Variants in EPB41L5 observed in about 807,000 individuals in gnomAD.
EPB41L5 encodes the protein band 4.1-like protein 5.
Under a neutral mutation model 106.6 loss-of-function variants are expected in EPB41L5, and 55 were observed. That is an observed-to-expected ratio of 0.52 (90% confidence interval 0.42 to 0.65). The LOEUF (loss-of-function observed/expected upper bound fraction) is 0.65, where lower values mean the gene tolerates loss of function less well. Ranked by LOEUF, EPB41L5 falls within the 30% of genes least tolerant of loss-of-function variation. The pLI, the probability that EPB41L5 is intolerant of heterozygous loss-of-function variation, is 0.00. For missense variants in EPB41L5, 871 were observed against 882.1 expected (o/e 0.99, Z 0.16); for synonymous variants, 297 against 306.7 (o/e 0.97, Z 0.33).
At chr2:120,159,542 A>G (rs1451036502) in intron 20 of EPB41L5, among the ~76,000 whole-genome samples, 1 of 152,168 alleles carries the variant, frequency 6.6e-6, no homozygotes, top group African/African-American at 2.4e-5. Context: ...TCACCGAACT[A>G]GAAGAAACTA....
chr2:120,095,020 G>A (rs1298474512), intron 14 of EPB41L5, among the ~76,000 whole-genome samples: 1 of 152,124 alleles, frequency 6.6e-6, no homozygotes, highest in African/African-American at 2.4e-5. Flanking sequence ...ATATTTTGCT[G>A]TTTCTGAGTG....
At chr2:120,106,646 CTT>C (rs1411199484) in intron 16 of EPB41L5, 1 of 984,254 alleles carries the variant, frequency 1.0e-6, no homozygotes, top group African/African-American at 1.7e-5. Flanking sequence ...TTTTATTTAA[CTT>C]AATTAATTTA....
chr2:120,108,314 C>T lies in EPB41L5; in HGVS notation c.1337+7500C>T, dbSNP rs548609160. 6 of 152,094 alleles carry T rather than the reference C, an allele frequency of 3.9e-5. No individual in the cohort carries two copies. The South Asian group carries it at 8.3e-4, about 21-fold the overall frequency. 9.4% of individuals were successfully genotyped at this position (152,094 alleles called of 1,614,324 possible). On this transcript the variant is annotated intron_variant, in intron 16 of 24. Transcript: ENST00000263713. ...ACTTCCTTAATGGTGTAATAATGTACCTCCTCATAAAAACAGGTTTGACAG... is the reference window on the plus strand; with the variant it reads ...ACTTCCTTAATGGTGTAATAATGTATCTCCTCATAAAAACAGGTTTGACAG...
At chr2:120,169,589 CTTCT>C (rs1421279722) in intron 24 of EPB41L5, among the ~76,000 whole-genome samples, 1 of 152,154 alleles carries the variant, frequency 6.6e-6, no homozygotes, top group Non-Finnish European at 1.5e-5. Context: ...TCCATCCCTC[CTTCT>C]GTCTCTCTCT....
chr2:120,048,690 C>T (rs1288030946), intron 3 of EPB41L5, among the ~76,000 whole-genome samples: 1 of 152,018 alleles, frequency 6.6e-6, no homozygotes, highest in African/African-American at 2.4e-5. Flanking sequence ...TTGCCTTCTG[C>T]TAGCTTTTTA....
chr2:120,022,599 T>G (rs935691043), intron 2 of EPB41L5, among the ~76,000 whole-genome samples: 2 of 152,222 alleles, frequency 1.3e-5, no homozygotes, highest in African/African-American at 4.8e-5. Flanking sequence ...GCATTTGGGT[T>G]GGTTCCAAGT....
chr2:120,025,075 G>A (rs1272630510), intron 2 of EPB41L5, among the ~76,000 whole-genome samples: 6 of 152,130 alleles, frequency 3.9e-5, no homozygotes, highest in South Asian at 2.1e-4. Context: ...GAATGGTACC[G>A]CTCCTCTTTG....
chr2:120,016,948 A>G (rs1040094037), intron 1 of EPB41L5, among the ~76,000 whole-genome samples: 5 of 152,210 alleles, frequency 3.3e-5, no homozygotes, highest in African/African-American at 1.2e-4. Flanking sequence ...TTATCTAACT[A>G]AAATTTTAGT....
chr2:120,077,401 G>T, intron 9 of EPB41L5, 85 bp downstream of exon 9: 1 of 1,128,668 alleles, frequency 8.9e-7, no homozygotes, highest in Non-Finnish European at 1.3e-6. Context: ...ATGAGGGAGG[G>T]CATGGAGTTT....
intron 2 of EPB41L5, among the ~76,000 whole-genome samples, chr2:120,034,829 C>T (rs1366890491): frequency 6.6e-6 from 1 of 152,226 alleles, no homozygotes; most frequent in Non-Finnish European, 1.5e-5. Flanking sequence ...TGCCGCTGCA[C>T]TGTAACCTGG....
intron 18 of EPB41L5, among the ~76,000 whole-genome samples, chr2:120,141,992 T>G (rs1049086554): frequency 6.6e-6 from 1 of 151,984 alleles, no homozygotes; most frequent in African/African-American, 2.4e-5. Context: ...TTGAAGTATT[T>G]TGGTGGTTGG....
intron 2 of EPB41L5, among the ~76,000 whole-genome samples, chr2:120,029,876 C>G (rs572583550): frequency 8.5e-5 from 13 of 152,324 alleles, no homozygotes; most frequent in East Asian, 3.9e-4. Context: ...CTCCTCTCAC[C>G]TTAGGGTCAG....
At chr2:120,087,073 A>AGTTAGAT in intron 10 of EPB41L5, 98 bp from the exon 11 acceptor site, 1 of 674,308 alleles carries the variant, frequency 1.5e-6, no homozygotes. Flanking sequence ...TTAGTTCAGG[A>AGTTAGAT]GTTAGATGGT....
intron 21 of EPB41L5, among the ~76,000 whole-genome samples, chr2:120,161,202 A>C (rs1687129242): frequency 6.6e-6 from 1 of 151,896 alleles, no homozygotes; most frequent in Non-Finnish European, 1.5e-5. Flanking sequence ...ACATGGCAAA[A>C]CCTGTCTCTA....
chr2:120,100,398 C>A, intron 15 of EPB41L5, 112 bp downstream of exon 15: 1 of 1,013,576 alleles, frequency 9.9e-7, no homozygotes, highest in Non-Finnish European at 1.5e-6. Flanking sequence ...AAATTATGTG[C>A]ATTTTCTTTT....
At chr2:120,112,521 C>T (rs1684768924) in intron 16 of EPB41L5, among the ~76,000 whole-genome samples, 1 of 152,084 alleles carries the variant, frequency 6.6e-6, no homozygotes, top group Non-Finnish European at 1.5e-5. Flanking sequence ...TGATAAAGTG[C>T]TAAATCCAGC....
At chr2:120,087,634 G>A (rs1046753184) in intron 11 of EPB41L5, among the ~76,000 whole-genome samples, 4 of 152,056 alleles carry the variant, frequency 2.6e-5, no homozygotes, top group African/African-American at 9.7e-5. Context: ...GCAGGCACAT[G>A]CCACCACCAC....
chr2:120,171,990 G>A (rs1315141847), intron 24 of EPB41L5, among the ~76,000 whole-genome samples: 1 of 149,598 alleles, frequency 6.7e-6, no homozygotes, highest in East Asian at 1.9e-4. Flanking sequence ...CTGTATCCAT[G>A]CAACAATAAC....
rs566724569 is a variant in EPB41L5, at chr2:120,032,447, G to A, written c.181-9559G>A. 1.3e-4 allele frequency among the ~76,000 whole-genome samples: 20 copies of A among 152,284 alleles called. 1 individual carries two copies. In the South Asian group the frequency reaches 4.1e-3, roughly 32 times the overall value. On this transcript the variant is annotated intron_variant, in intron 2 of 24. Coordinates refer to ENST00000263713, the MANE Select transcript of EPB41L5 (RefSeq NM_020909.4). ...GATATGTAATAATAAGCAAGGAACAGCTAGGAAGGACTATTTTGTGCCTGG... is the reference window on the plus strand; with the variant it reads ...GATATGTAATAATAAGCAAGGAACAACTAGGAAGGACTATTTTGTGCCTGG...
Sources: gnomAD v4.1 joint callset for allele counts (sites outside exome capture counted in the v4.1 genomes callset) on GRCh38, gnomAD v4.1.1 for gene constraint, MANE v1.5 for transcripts, NCBI Gene and HGNC (gene_info 2026-07-23, HGNC 2026-07-21) for gene names.